ETV7: variants seen among roughly 807,000 people sequenced by gnomAD.
ETV7 encodes ETS variant transcription factor 7, also known as transcription factor ETV7.
Under a neutral mutation model 39.1 loss-of-function variants are expected in ETV7, and 43 were observed. That is an observed-to-expected ratio of 1.10 (90% CI 0.86 to 1.42). ETV7 has a LOEUF of 1.42. Ranked by LOEUF, ETV7 falls within the 40% of genes most tolerant of loss-of-function variation. ETV7 has a pLI of 0.00. For synonymous variants in ETV7, 196 were observed against 176.6 expected, an observed-to-expected ratio of 1.11 and a Z score of -0.87; for missense variants, 432 against 442.3, an observed-to-expected ratio of 0.98 and a Z score of 0.21.
At chr6:36,375,068 C>CA (rs34962714) in intron 3 of ETV7, among the ~76,000 whole-genome samples, 54,923 of 131,622 alleles carry the variant, frequency 0.42, 11,480 homozygotes, top group Non-Finnish European at 0.47. Flanking sequence ...GACTCCATCT[C>CA]AAAAAAAAAA....
chr6:36,356,965 C>T (rs993233200), intron 7 of ETV7, among the ~76,000 whole-genome samples: 4 of 152,152 alleles, frequency 2.6e-5, no homozygotes, highest in Non-Finnish European at 4.4e-5. Flanking sequence ...TATGCCATAA[C>T]GCAAAGAAGC....
At chr6:36,354,478 C>T in exon 8 of ETV7, 1 of 488,102 alleles carries the variant, frequency 2.0e-6, no homozygotes, top group East Asian at 3.2e-5. Context: ...ATGTGGACAC[C>T]CATTGTCCCA....
Position 36,369,050 on chromosome 6 carries a change from T to A in ETV7, c.686A>T (p.Tyr229Phe). 6.2e-7 allele frequency: 1 copy of A among 1,614,082 alleles called. No individual in the cohort carries two copies. Among genetic ancestry groups the A allele is most frequent in the African/African-American group, 1.3e-5 (1 of 75,016 alleles). ...RIADCRLLWD[Y>F]VYQLLLDTRY... ...GGTATCAAGGAGCAGCTGATACACG[T>A]AATCCCACAGCAGGCGGCAGTCTGC... The change falls in exon 6 of 8, where the codon TAC (tyrosine) becomes TTC (phenylalanine). Residue 229 changes from tyrosine (Y) to phenylalanine (F), a missense_variant. By Grantham distance (22) the Tyr-to-Phe change is conservative. Coordinates refer to ENST00000340181, the MANE Select transcript of ETV7 (RefSeq NM_016135.4).
chr6:36,376,677 G>A (rs1460553528), intron 2 of ETV7, among the ~76,000 whole-genome samples: 1 of 151,670 alleles, frequency 6.6e-6, no homozygotes, highest in East Asian at 1.9e-4. Context: ...TCGGGAGGCT[G>A]AAGCAGGTGA....
At chr6:36,373,653 C>T (rs1773159085) in intron 3 of ETV7, 75 bp from the exon 4 acceptor site, 1 of 1,456,632 alleles carries the variant, frequency 6.9e-7, no homozygotes, top group African/African-American at 1.5e-5. Context: ...CCCCTGCAGC[C>T]ACCTGCCTCA....
At chr6:36,382,177 A>G (rs1773689102) in intron 2 of ETV7, among the ~76,000 whole-genome samples, 1 of 152,152 alleles carries the variant, frequency 6.6e-6, no homozygotes, top group Non-Finnish European at 1.5e-5. Flanking sequence ...ACCTCAACCC[A>G]TGGTAAACAA....
chr6:36,369,377 G>A (rs879914239), intron 5 of ETV7, among the ~76,000 whole-genome samples: 13 of 152,170 alleles, frequency 8.5e-5, no homozygotes, highest in South Asian at 2.1e-4. Context: ...GAGTCTGACC[G>A]GCTCCACCCA....
chr6:36,385,757 G>A, intron 1 of ETV7, 88 bp from the exon 2 acceptor site: 1 of 1,432,906 alleles, frequency 7.0e-7, no homozygotes, highest in Non-Finnish European at 9.3e-7. Flanking sequence ...TTTTTTGGAA[G>A]GGAAAGAGTG....
In ETV7 at chr6:36,375,973, CCTG is replaced by C; in HGVS notation, c.202_204del (p.Gln68del). 2 of 1,612,696 alleles carry C rather than the reference CCTG, an allele frequency of 1.2e-6. No homozygotes were observed. Among genetic ancestry groups the C allele is most frequent in the East Asian group, 4.5e-5 (2 of 44,894 alleles). ...TCCGCGGTGCATGGCAGAGAGTACT[CCTG>C]CTCTGCCCAGCGCAGCCAGTGCAGC... On this transcript the variant is annotated inframe_deletion, in exon 3 of 8. Transcript: ENST00000340181.
At chr6:36,370,607 T>C (rs1483646491) in intron 5 of ETV7, among the ~76,000 whole-genome samples, 1 of 152,088 alleles carries the variant, frequency 6.6e-6, no homozygotes, top group African/African-American at 2.4e-5. Flanking sequence ...GACAGGATTA[T>C]TCATACACCA....
At chr6:36,380,462 A>G (rs1247756104) in intron 2 of ETV7, among the ~76,000 whole-genome samples, 2 of 152,236 alleles carry the variant, frequency 1.3e-5, no homozygotes, top group Admixed American at 6.5e-5. Flanking sequence ...CTCCCAAGGC[A>G]GATATGGACA....
At chr6:36,366,795 C>T in intron 7 of ETV7, 33 bp from the exon 8 acceptor site, 12 of 1,613,802 alleles carry the variant, frequency 7.4e-6, no homozygotes, top group Non-Finnish European at 1.0e-5. Flanking sequence ...AAATCAGCTC[C>T]TGCCCCAGCT....
intron 7 of ETV7, among the ~76,000 whole-genome samples, chr6:36,359,175 G>A (rs1359879073): frequency 6.6e-6 from 1 of 152,254 alleles, no homozygotes; most frequent in East Asian, 1.9e-4. Flanking sequence ...GACAGGCTGG[G>A]CGAAGTGGCT....
chr6:36,378,139 C>T (rs377312220), intron 2 of ETV7, among the ~76,000 whole-genome samples: 5 of 151,728 alleles, frequency 3.3e-5, no homozygotes, highest in Admixed American at 6.6e-5. Context: ...TGTTCATGCA[C>T]GCACACACGC....
chr6:36,361,227 C>T (rs547181175), downstream of ETV7, among the ~76,000 whole-genome samples: 1 of 152,334 alleles, frequency 6.6e-6, no homozygotes, highest in African/African-American at 2.4e-5. Context: ...GCTTAGTTCC[C>T]ACCGAGGTCC....
chr6:36,361,399 G>C (rs533846891), downstream of ETV7, among the ~76,000 whole-genome samples: 1 of 152,236 alleles, frequency 6.6e-6, no homozygotes, highest in African/African-American at 2.4e-5. Flanking sequence ...TGTGTTTTCT[G>C]TGTGTCTCTA....
intron 5 of ETV7, 96 bp downstream of exon 5, chr6:36,371,234 A>G: frequency 8.2e-7 from 1 of 1,215,644 alleles, no homozygotes; most frequent in South Asian, 1.3e-5. Context: ...CAGACCTCCC[A>G]TCACCAGGTC....
chr6:36,382,508 A>G (rs983511863), intron 2 of ETV7, among the ~76,000 whole-genome samples: 4 of 152,158 alleles, frequency 2.6e-5, no homozygotes, highest in Non-Finnish European at 5.9e-5. Flanking sequence ...CAGCAGATTC[A>G]TGTGCACATT....
Position 36,369,053 on chromosome 6 carries a change from T to G in ETV7, c.683A>C (p.Asp228Ala), listed in dbSNP as rs1318609453. Residue 228 changes from aspartate (D) to alanine (A), a missense_variant, in exon 6 of 8, where the codon GAT becomes GCT. By Grantham distance (126) the Asp-to-Ala change is moderately radical. Coordinates refer to ENST00000340181, the MANE Select transcript of ETV7 (RefSeq NM_016135.4). ...ATCAAGGAGCAGCTGATACACGTAA[T>G]CCCACAGCAGGCGGCAGTCTGCAAT... ...GRIADCRLLW[D>A]YVYQLLLDTR... is the part of the protein sequence containing the mutation. 2 of 1,614,160 alleles carry G rather than the reference T, an allele frequency of 1.2e-6. No homozygotes were observed. Among genetic ancestry groups the G allele is most frequent in the South Asian group, 1.1e-5 (1 of 91,088 alleles).
Sources: allele counts gnomAD v4.1 joint callset (sites outside exome capture counted in the v4.1 genomes callset), GRCh38; gene constraint gnomAD v4.1.1; transcripts MANE v1.5; gene names NCBI Gene and HGNC (gene_info 2026-07-23, HGNC 2026-07-21).